Variants in SCYL1 observed in about 807,000 individuals in gnomAD.
SCYL1 encodes the protein SCY1 like pseudokinase 1.
In SCYL1, 85 loss-of-function variants were observed where a neutral mutation model predicts 94.8. That is an observed-to-expected ratio of 0.90 (90% confidence interval 0.75 to 1.07). The LOEUF is 1.07. SCYL1 is among the 50% of genes least tolerant of loss of function. The pLI is 0.00. For synonymous variants in SCYL1, 459 were observed against 435.5 expected, an observed-to-expected ratio of 1.05 and a Z score of -0.67; for missense variants, 968 against 1,083.3, an observed-to-expected ratio of 0.89 and a Z score of 1.49.
At chr11:65,533,623 T>C (rs1855499045) in intron 9 of SCYL1, among the ~76,000 whole-genome samples, 1 of 146,318 alleles carries the variant, frequency 6.8e-6, no homozygotes, top group African/African-American at 2.5e-5. Flanking sequence ...TACAAAAAAA[T>C]ACAAAAGTTA....
rs529982224 is a variant in SCYL1, at chr11:65,533,957, C to T, written c.1230+1152C>T. Among the ~76,000 whole-genome samples the T allele has an allele frequency of 5.3e-5, 8 of 152,168 alleles. No individual in the cohort carries two copies. The South Asian group carries it at 8.3e-4, about 16-fold the overall frequency. On this transcript the variant is annotated intron_variant, in intron 9 of 17. Coordinates refer to ENST00000270176, the MANE Select transcript of SCYL1 (RefSeq NM_020680.4). ...TAAAAATACAAAAAATGGCTGGGCC[C>T]GGTTGCTCACACCTGTAATCCCAGA...
At chr11:65,531,492 G>GA (rs1390239760) in intron 7 of SCYL1, 84 bp from the exon 8 acceptor site, 3 of 1,001,610 alleles carry the variant, frequency 3.0e-6, no homozygotes, top group Non-Finnish European at 4.7e-6. Flanking sequence ...CCCACCCTGG[G>GA]ATATCAGCCC....
chr11:65,525,957 A>AC lies in SCYL1; in HGVS notation c.293dup (p.Leu99ValfsTer84). Reference sequence around the variant, plus strand: ...CCTCCACGTCGTGACAGAGGCTGTGACCCCGTTGGGAATATACCTCAAGGC... The same window carrying AC: ...CCTCCACGTCGTGACAGAGGCTGTGACCCCCGTTGGGAATATACCTCAAGGC... On this transcript the variant is annotated frameshift_variant, in exon 3 of 18. Coordinates refer to ENST00000270176, the MANE Select transcript of SCYL1 (RefSeq NM_020680.4). LOFTEE classifies it high-confidence loss of function. 1 of 1,613,354 alleles carries AC rather than the reference A, an allele frequency of 6.2e-7. No homozygotes were observed. Among genetic ancestry groups the AC allele is most frequent in the Non-Finnish European group, 8.5e-7 (1 of 1,179,926 alleles).
chr11:65,538,354 C>G (rs1256888752), intron 17 of SCYL1, 30 bp downstream of exon 17: 1 of 1,541,452 alleles, frequency 6.5e-7, no homozygotes, highest in African/African-American at 1.4e-5. Flanking sequence ...GGGCTGAAGA[C>G]TAGGGCTCCC....
rs756530092 is a variant in SCYL1, at chr11:65,537,057, G to C, written c.1888G>C (p.Glu630Gln). The C allele has an allele frequency of 6.2e-7, 1 of 1,614,144 alleles. No individual in the cohort carries two copies. The highest frequency in any genetic ancestry group is 1.7e-5 in the Admixed American group (1 of 60,030). Residue 630 changes from glutamate to glutamine, a missense_variant, in exon 14 of 18, where the codon GAG becomes CAG. Physicochemically the swap from Glu to Gln is conservative, Grantham distance 29. Around this residue, in one of 2 missense-constraint regions of SCYL1, gnomAD observed 474 missense variants for 463.6 expected, o/e 1.02. Coordinates refer to ENST00000270176, the MANE Select transcript of SCYL1 (RefSeq NM_020680.4). The stretch of plus-strand genomic sequence containing the variant: ...CTCAGGCCACTGGGAGACGCAGGAG[G>C]AGGACAAGGACACAGCAGAGGACAG... ...TTSGHWETQEEDKDTAEDSST... is the reference protein window; with the variant it reads ...TTSGHWETQEQDKDTAEDSST...
Position 65,536,275 on chromosome 11 carries a change from G to A in SCYL1, c.1592G>A (p.Arg531Gln), listed in dbSNP as rs553035759. The change falls in exon 12 of 18, where the codon CGG becomes CAG. Residue 531 changes from arginine to glutamine, a missense_variant. Physicochemically the swap from Arg to Gln is conservative, Grantham distance 43. Coordinates refer to ENST00000270176, the MANE Select transcript of SCYL1 (RefSeq NM_020680.4). Reference protein sequence around the residue: ...SVRDQAFKAIRSFLSKLESVS... With the variant: ...SVRDQAFKAIQSFLSKLESVS... The stretch of plus-strand genomic sequence containing the variant: ...ACCCCACAGGCCTTCAAGGCCATTC[G>A]GAGCTTCCTGTCCAAATTGGAGTCT... The A allele has an allele frequency of 2.4e-4, 392 of 1,614,094 alleles. 3 individuals carry two copies. In the South Asian group the frequency reaches 3.1e-3, roughly 13 times the overall value.
In SCYL1 at chr11:65,527,005, C is replaced by T; in HGVS notation, c.737C>T (p.Ala246Val). The T allele has an allele frequency of 6.2e-7, 1 of 1,613,402 alleles. No homozygotes were observed. Among genetic ancestry groups the T allele is most frequent in the Non-Finnish European group, 8.5e-7 (1 of 1,179,896 alleles). ...CCCCATTACTGTGAGCTGGTGGGAG[C>T]AAACCCCAAGGTGCGTCCCAACCCA... Reference protein sequence around the residue: ...LVPHYCELVGANPKVRPNPAR... With the variant: ...LVPHYCELVGVNPKVRPNPAR... Residue 246 changes from alanine (A) to valine (V), a missense_variant, in exon 6 of 18, where the codon GCA (alanine) becomes GTA (valine). Ala to Val is a moderately conservative substitution (Grantham distance 64). Around this residue, in one of 2 missense-constraint regions of SCYL1, gnomAD observed 494 missense variants for 619.7 expected, o/e 0.80. Transcript: ENST00000270176.
intron 8 of SCYL1, among the ~76,000 whole-genome samples, chr11:65,532,470 C>T (rs1303614926): frequency 6.6e-6 from 1 of 151,676 alleles, no homozygotes; most frequent in African/African-American, 2.4e-5. Flanking sequence ...GAGAGGGTGG[C>T]CAGATGAGCC....
At position 65,531,677 on chromosome 11, in the gene SCYL1, G is replaced by A. The variant is rs201426628; in HGVS notation, c.1110G>A (p.Leu370=). Residue 370 remains leucine (L), a synonymous_variant, in exon 8 of 18, where the codon CTG becomes CTA. Coordinates refer to ENST00000270176, the MANE Select transcript of SCYL1 (RefSeq NM_020680.4). ...ACCGGGCCATGCGCATCCGCCTCCT[G>A]CAGCAGGTGAGGCCTCTGTACCAGA... ...STDRAMRIRL[L]QQMEQFIQYL... 1,222 of 1,612,230 alleles carry A rather than the reference G, an allele frequency of 7.6e-4. 8 individuals carry two copies. The African/African-American group carries it at 0.012, about 16-fold the overall frequency.
In SCYL1 at chr11:65,532,426, GAA is replaced by G. The variant is rs398016427; in HGVS notation, c.1117-247_1117-246del. ...GGTGACAGAGCAAGACTCTGTCTCA[GAA>G]AAAAAAAAAAAAAAAAAATAGAAGA... On this transcript the variant is annotated intron_variant, in intron 8 of 17. Transcript: ENST00000270176. Among the ~76,000 whole-genome samples, 101 of 104,196 alleles carry G rather than the reference GAA, an allele frequency of 9.7e-4. 1 individual carries two copies. Among genetic ancestry groups the G allele is most frequent in the East Asian group, 5.6e-3 (19 of 3,398 alleles). The allele number at this position is 104,196 out of a possible 152,430, so 68.4% of individuals were successfully genotyped here. A position where few individuals can be genotyped will look rare whatever the true frequency, so the allele number is the denominator to read the frequency against.
chr11:65,535,484 G>C, intron 10 of SCYL1, 102 bp downstream of exon 10: 1 of 1,444,892 alleles, frequency 6.9e-7, no homozygotes, highest in Non-Finnish European at 9.5e-7. Flanking sequence ...TTCTCCCAGA[G>C]ACTTAGACCC....
chr11:65,534,518 C>T (rs945835626), intron 9 of SCYL1, among the ~76,000 whole-genome samples: 16 of 152,134 alleles, frequency 1.1e-4, no homozygotes, highest in Non-Finnish European at 1.8e-4. Flanking sequence ...ATGTTGGGCC[C>T]CATCTTGGCT....
chr11:65,534,185 C>T (rs1045753580), intron 9 of SCYL1, among the ~76,000 whole-genome samples: 4 of 151,876 alleles, frequency 2.6e-5, no homozygotes, highest in Non-Finnish European at 4.4e-5. Context: ...GAGCCGATAT[C>T]GCGCCACTGC....
In SCYL1 at chr11:65,536,019, G is replaced by T; in HGVS notation, c.1453G>T (p.Val485Phe). Reference sequence around the variant, plus strand: ...TAGGGACCCGTTTGCACCGTCCCGGGTTGCGGGTGTCCTGGGCTTTGCTGC... The same window carrying T: ...TAGGGACCCGTTTGCACCGTCCCGGTTTGCGGGTGTCCTGGGCTTTGCTGC... ...ATRDPFAPSR[V>F]AGVLGFAATH... The change falls in exon 11 of 18, where the codon GTT becomes TTT. Residue 485 changes from valine to phenylalanine, a missense_variant. By Grantham distance (50) the Val-to-Phe change is conservative. Transcript: ENST00000270176. 6.2e-7 allele frequency: 1 copy of T among 1,614,066 alleles called. No individual in the cohort carries two copies. The highest frequency in any genetic ancestry group is 8.5e-7 in the Non-Finnish European group (1 of 1,179,958).
intron 6 of SCYL1, among the ~76,000 whole-genome samples, chr11:65,529,507 C>T (rs1468979396): frequency 6.6e-6 from 1 of 152,242 alleles, no homozygotes; most frequent in Non-Finnish European, 1.5e-5. Context: ...GATTTAGCCT[C>T]TCTGGGCCTT....
chr11:65,525,812 G>A, intron 2 of SCYL1, 98 bp downstream of exon 2: 2 of 1,580,228 alleles, frequency 1.3e-6, no homozygotes, highest in Non-Finnish European at 1.7e-6. Context: ...ATGTGCCCCA[G>A]CACCCCCAGA....
intron 6 of SCYL1, among the ~76,000 whole-genome samples, chr11:65,529,639 C>T (rs570985561): frequency 2.4e-4 from 37 of 152,332 alleles, no homozygotes; most frequent in Admixed American, 3.9e-4. Flanking sequence ...GGCCAAGCCG[C>T]GGCTATGGGG....
intron 6 of SCYL1, among the ~76,000 whole-genome samples, chr11:65,528,597 A>G (rs1456120519): frequency 6.6e-6 from 1 of 152,068 alleles, no homozygotes; most frequent in Non-Finnish European, 1.5e-5. Context: ...CGTCTCTACT[A>G]AAAATACAAA....
chr11:65,526,435 C>T lies in SCYL1; in HGVS notation c.602+85C>T. 2 of 1,079,428 alleles carry T rather than the reference C, an allele frequency of 1.9e-6. No individual in the cohort carries two copies. The highest frequency in any genetic ancestry group is 3.2e-5 in the South Asian group (2 of 63,058). The allele number at this position is 1,079,428 out of a possible 1,614,324, so 66.9% of individuals were successfully genotyped here. ...AGGACTCCTAGACTAGTTGGCACTC[C>T]CCTGTTCCCTGCTGCCTGGCTGGGG... is the stretch of plus-strand genomic sequence containing the variant. On this transcript the variant is annotated intron_variant, in intron 4 of 17. Coordinates refer to ENST00000270176, the MANE Select transcript of SCYL1 (RefSeq NM_020680.4). The surrounding 1 kb of genome is among the most constrained non-coding windows in gnomAD (Gnocchi z 4.1).
Sources: allele counts gnomAD v4.1 joint callset (sites outside exome capture counted in the v4.1 genomes callset), GRCh38; gene constraint gnomAD v4.1.1; regional missense constraint gnomAD v4.1.1; non-coding constraint Gnocchi (gnomAD v3.1); transcripts MANE v1.5; gene names NCBI Gene and HGNC (gene_info 2026-07-23, HGNC 2026-07-21).